CA10: variants seen among roughly 807,000 people sequenced by gnomAD.
The protein encoded by CA10 is carbonic anhydrase-related protein 10.
Under a neutral mutation model 44.2 loss-of-function variants are expected in CA10, and 14 were observed. The observed-to-expected ratio is 0.32, with a 90% CI of 0.21 to 0.50. The LOEUF (loss-of-function observed/expected upper bound fraction) is 0.50, where lower values mean the gene tolerates loss of function less well. CA10 is among the 20% of genes least tolerant of loss of function. The pLI is 0.99. For missense variants in CA10, 350 were observed against 409.7 expected (o/e 0.85, Z 1.26); for synonymous variants, 159 against 141.6 (o/e 1.12, Z -0.87).
At chr17:52,073,485 G>A (rs1662031953) in intron 1 of CA10, among the ~76,000 whole-genome samples, 1 of 152,174 alleles carries the variant, frequency 6.6e-6, no homozygotes, top group South Asian at 2.1e-4. Flanking sequence ...TGTGGTTGAA[G>A]GAGATTTTCT....
chr17:51,854,819 T>C (rs1178545768), intron 3 of CA10, among the ~76,000 whole-genome samples: 2 of 152,230 alleles, frequency 1.3e-5, no homozygotes, highest in African/African-American at 2.4e-5. Flanking sequence ...TGATCATTCA[T>C]CTTTCCTTAG....
At position 52,085,380 on chromosome 17, in the gene CA10, A is replaced by T. The variant is rs578238039; in HGVS notation, c.62-12987T>A. Among the ~76,000 whole-genome samples, 5 of 152,312 alleles carry T rather than the reference A, an allele frequency of 3.3e-5. No homozygotes were observed. The East Asian group carries it at 9.6e-4, about 29-fold the overall frequency. ...TCCTGTTTACAGCAGCACTGTGTCC[A>T]TGTCGTCTTTCACTTTTGAGGGGTA... On this transcript the variant is annotated intron_variant, in intron 1 of 8. Coordinates refer to ENST00000451037, the MANE Select transcript of CA10 (RefSeq NM_020178.5).
chr17:51,953,025 GTA>G (rs1983541505), intron 2 of CA10, among the ~76,000 whole-genome samples: 1 of 152,132 alleles, frequency 6.6e-6, no homozygotes, highest in Non-Finnish European at 1.5e-5. Context: ...GTCTCCTAAA[GTA>G]TTAGAATTAT....
chr17:52,101,233 ATC>A (rs964344871), intron 1 of CA10, among the ~76,000 whole-genome samples: 2 of 152,206 alleles, frequency 1.3e-5, no homozygotes, highest in African/African-American at 4.8e-5. Flanking sequence ...GAAAACATGT[ATC>A]TGACTAATTT....
chr17:52,104,173 C>T (rs888362870), intron 1 of CA10, among the ~76,000 whole-genome samples: 8 of 151,022 alleles, frequency 5.3e-5, no homozygotes, highest in Admixed American at 4.0e-4. Context: ...TGGGGTCCCT[C>T]ATCACACCTC....
At chr17:52,097,534 G>A (rs1028053545) in intron 1 of CA10, among the ~76,000 whole-genome samples, 1 of 152,106 alleles carries the variant, frequency 6.6e-6, no homozygotes, top group Non-Finnish European at 1.5e-5. Context: ...CTGTATTGTT[G>A]ATATTTCTAT....
chr17:51,722,002 A>G (rs1415404434), intron 4 of CA10, among the ~76,000 whole-genome samples: 2 of 152,194 alleles, frequency 1.3e-5, no homozygotes, highest in African/African-American at 4.8e-5. Context: ...TTGCTTAGTC[A>G]GTTTGAGGCC....
At chr17:52,045,126 T>C (rs750569520) in intron 2 of CA10, among the ~76,000 whole-genome samples, 12 of 151,758 alleles carry the variant, frequency 7.9e-5, no homozygotes, top group Non-Finnish European at 1.6e-4. Flanking sequence ...GTAAACTTAC[T>C]TAAAACTACG....
In CA10 at chr17:51,752,606, G is replaced by C. The variant is rs116244583; in HGVS notation, c.280-4788C>G. On this transcript the variant is annotated intron_variant, in intron 3 of 8. Coordinates refer to ENST00000451037, the MANE Select transcript of CA10 (RefSeq NM_020178.5). ...ATGATCTCGATGTAAGCAAATGCAA[G>C]TGTCCTTGCTCATTTCAGATTAAAA... Among the ~76,000 whole-genome samples the C allele has an allele frequency of 2.0e-3, 299 of 152,134 alleles. 1 individual carries two copies. The highest frequency in any genetic ancestry group is 6.8e-3 in the Middle Eastern group (2 of 294).
At chr17:51,673,576 T>C (rs543960610) in intron 4 of CA10, among the ~76,000 whole-genome samples, 7 of 152,228 alleles carry the variant, frequency 4.6e-5, no homozygotes, top group Non-Finnish European at 8.8e-5. Context: ...ACTTCATGGT[T>C]CTTGCAACTA....
chr17:51,639,843 C>A (rs1036210568), intron 6 of CA10, among the ~76,000 whole-genome samples: 2 of 152,142 alleles, frequency 1.3e-5, no homozygotes, highest in African/African-American at 4.8e-5. Context: ...ACCCTCTGAG[C>A]CTCAGTTTCT....
chr17:52,134,082 C>G (rs1380062142), intron 1 of CA10, among the ~76,000 whole-genome samples: 7 of 152,124 alleles, frequency 4.6e-5, no homozygotes, highest in Non-Finnish European at 1.0e-4. Context: ...AAGAGCTGTT[C>G]CCCCAGTGCC....
At chr17:51,660,638 G>T (rs557187958) in intron 4 of CA10, among the ~76,000 whole-genome samples, 1 of 152,194 alleles carries the variant, frequency 6.6e-6, no homozygotes, top group Non-Finnish European at 1.5e-5. Flanking sequence ...CTTTCTCAGC[G>T]TGATGCTCCA....
chr17:51,632,261 T>C (rs995286902), intron 8 of CA10, among the ~76,000 whole-genome samples: 1 of 152,218 alleles, frequency 6.6e-6, no homozygotes, highest in African/African-American at 2.4e-5. Flanking sequence ...AGGTGTCTTA[T>C]CTGTCACCCA....
chr17:51,758,728 T>G (rs1905140426), intron 3 of CA10, among the ~76,000 whole-genome samples: 1 of 152,242 alleles, frequency 6.6e-6, no homozygotes, highest in Admixed American at 6.5e-5. Flanking sequence ...AGTTTAATAT[T>G]GTTATTTTAA....
chr17:52,003,769 A>G (rs143560675), intron 2 of CA10, among the ~76,000 whole-genome samples: 420 of 152,080 alleles, frequency 2.8e-3, no homozygotes, highest in Non-Finnish European at 4.4e-3. Context: ...AGGCAGAGAA[A>G]GAGACCTCCC....
At chr17:52,149,026 C>T (rs1354002291) in intron 1 of CA10, among the ~76,000 whole-genome samples, 1 of 152,156 alleles carries the variant, frequency 6.6e-6, no homozygotes, top group Non-Finnish European at 1.5e-5. Flanking sequence ...CCTATGCTCC[C>T]TCAATAATTG....
At chr17:51,688,494 G>T (rs1915081835) in intron 4 of CA10, among the ~76,000 whole-genome samples, 1 of 152,156 alleles carries the variant, frequency 6.6e-6, no homozygotes, top group Non-Finnish European at 1.5e-5. Context: ...TAGCTTTCTT[G>T]TCTATAACAT....
chr17:52,043,955 C>T (rs1238889815), intron 2 of CA10, among the ~76,000 whole-genome samples: 16 of 152,006 alleles, frequency 1.1e-4, no homozygotes, highest in Non-Finnish European at 1.5e-5. Flanking sequence ...ATTCAATTTG[C>T]TAGTATTTTG....
Sources: allele counts gnomAD v4.1 joint callset (sites outside exome capture counted in the v4.1 genomes callset), GRCh38; gene constraint gnomAD v4.1.1; transcripts MANE v1.5; gene names NCBI Gene and HGNC (gene_info 2026-07-23, HGNC 2026-07-21).